Variants in BAALC observed in about 807,000 individuals in gnomAD.
The protein encoded by BAALC is brain and acute leukemia cytoplasmic protein.
In BAALC, 9 loss-of-function variants were observed where a neutral mutation model predicts 15.5. The observed-to-expected ratio is 0.58, with a 90% CI of 0.35 to 1.02. BAALC has a LOEUF of 1.02. Among genes scored for constraint, BAALC ranks in the 50% least tolerant of loss-of-function variants. The pLI, the probability that BAALC is intolerant of heterozygous loss-of-function variation, is 0.02. For synonymous variants in BAALC, 80 were observed against 74.6 expected, an observed-to-expected ratio of 1.07 and a Z score of -0.37; for missense variants, 201 against 192.4, an observed-to-expected ratio of 1.04 and a Z score of -0.27.
At chr8:103,219,280 C>G (rs1280636509) in intron 2 of BAALC, among the ~76,000 whole-genome samples, 1 of 152,168 alleles carries the variant, frequency 6.6e-6, no homozygotes, top group Non-Finnish European at 1.5e-5. Flanking sequence ...TCCCTTGACT[C>G]CTGAGCCTAC....
intron 1 of BAALC, among the ~76,000 whole-genome samples, chr8:103,193,482 C>A (rs898968256): frequency 6.6e-6 from 1 of 152,230 alleles, no homozygotes; most frequent in African/African-American, 2.4e-5. Flanking sequence ...TGAAATCAGC[C>A]TTTTGCACAT....
At chr8:103,200,182 T>C (rs1202509972) in intron 1 of BAALC, among the ~76,000 whole-genome samples, 1 of 152,156 alleles carries the variant, frequency 6.6e-6, no homozygotes, top group Non-Finnish European at 1.5e-5. Context: ...ATGGTTATTA[T>C]TAAAGGGTCA....
At chr8:103,211,790 C>T (rs1182268433) in intron 1 of BAALC, among the ~76,000 whole-genome samples, 3 of 152,148 alleles carry the variant, frequency 2.0e-5, no homozygotes, top group Non-Finnish European at 4.4e-5. Flanking sequence ...CAGGTGTCTC[C>T]AGCTCCTGAG....
At chr8:103,171,425 A>G (rs1586396427) in intron 1 of BAALC, among the ~76,000 whole-genome samples, 3 of 31,372 alleles carry the variant, frequency 9.6e-5, no homozygotes, top group Non-Finnish European at 1.7e-4. Context: ...AGAGAGAATG[A>G]AAATAAAAAG....
At chr8:103,194,642 C>T (rs1254403623) in intron 1 of BAALC, among the ~76,000 whole-genome samples, 1 of 152,116 alleles carries the variant, frequency 6.6e-6, no homozygotes, top group Non-Finnish European at 1.5e-5. Context: ...GAGGGTGGGT[C>T]ATTTATAAAT....
At chr8:103,141,202 G>C in intron 1 of BAALC, 145 bp downstream of exon 1, 3 of 953,120 alleles carry the variant, frequency 3.1e-6, no homozygotes, top group Non-Finnish European at 4.3e-6. Flanking sequence ...CCTGCCCACT[G>C]ATCAGTGGAC....
intron 2 of BAALC, among the ~76,000 whole-genome samples, chr8:103,226,465 G>A (rs1026656040): frequency 1.3e-5 from 2 of 152,190 alleles, no homozygotes; most frequent in African/African-American, 4.8e-5. Flanking sequence ...CTGCAGCGAG[G>A]CAGCAGGTCA....
At chr8:103,150,715 A>C (rs1810968426) in intron 1 of BAALC, among the ~76,000 whole-genome samples, 1 of 152,182 alleles carries the variant, frequency 6.6e-6, no homozygotes, top group Admixed American at 6.5e-5. Context: ...CTATGTCTTC[A>C]CAGGCATTTT....
intron 1 of BAALC, among the ~76,000 whole-genome samples, chr8:103,172,393 T>C (rs1811517021): frequency 1.1e-5 from 1 of 91,606 alleles, no homozygotes; most frequent in Non-Finnish European, 2.6e-5. Flanking sequence ...CTGGCTTGCT[T>C]TTTTTTTTTT....
intron 1 of BAALC, among the ~76,000 whole-genome samples, chr8:103,145,601 ATTTG>A (rs1246492839): frequency 2.6e-5 from 4 of 152,138 alleles, no homozygotes; most frequent in Admixed American, 6.5e-5. Flanking sequence ...TCAGGTTAGG[ATTTG>A]TTTGTTTTCC....
At chr8:103,215,576 C>T (rs984580255) in intron 2 of BAALC, among the ~76,000 whole-genome samples, 9 of 152,062 alleles carry the variant, frequency 5.9e-5, no homozygotes, top group Non-Finnish European at 1.2e-4. Context: ...CAGTCTGTTC[C>T]ATATATATTA....
At chr8:103,195,426 C>T (rs553565431) in intron 1 of BAALC, among the ~76,000 whole-genome samples, 4 of 152,290 alleles carry the variant, frequency 2.6e-5, no homozygotes, top group Non-Finnish European at 4.4e-5. Context: ...CAAATGCAAT[C>T]GCTCATAACT....
At chr8:103,152,153 T>A (rs1811000529) in intron 1 of BAALC, among the ~76,000 whole-genome samples, 1 of 152,186 alleles carries the variant, frequency 6.6e-6, no homozygotes, top group Non-Finnish European at 1.5e-5. Flanking sequence ...TCTGATAGCT[T>A]CCTGTTCTAC....
chr8:103,226,268 C>T (rs953470250), intron 2 of BAALC, among the ~76,000 whole-genome samples: 5 of 152,232 alleles, frequency 3.3e-5, no homozygotes, highest in Admixed American at 6.5e-5. Context: ...ACAGCTTCAG[C>T]GACCCCTGCT....
At chr8:103,179,960 A>G (rs1811688893) in intron 1 of BAALC, among the ~76,000 whole-genome samples, 1 of 152,300 alleles carries the variant, frequency 6.6e-6, no homozygotes, top group Admixed American at 6.5e-5. Context: ...CTCATTGCAG[A>G]GGGAAGTTGT....
intron 2 of BAALC, among the ~76,000 whole-genome samples, chr8:103,224,380 C>T (rs1812753228): frequency 8.7e-6 from 1 of 114,836 alleles, no homozygotes; most frequent in African/African-American, 3.4e-5. Flanking sequence ...TTAAGAAATA[C>T]ATTGGTTTGG....
At chr8:103,154,841 A>T (rs982962363) in intron 1 of BAALC, among the ~76,000 whole-genome samples, 8 of 152,030 alleles carry the variant, frequency 5.3e-5, no homozygotes, top group Non-Finnish European at 8.8e-5. Flanking sequence ...AGAGCCAAGA[A>T]ACAGACTCTG....
intron 1 of BAALC, chr8:103,202,972 C>G (rs1328781986): frequency 1.3e-5 from 2 of 152,238 alleles, no homozygotes; most frequent in Admixed American, 1.3e-4. Flanking sequence ...TTTTACTTTT[C>G]CTTTTGGCTG....
At chr8:103,216,547 G>T (rs774345700) in intron 2 of BAALC, among the ~76,000 whole-genome samples, 1 of 152,096 alleles carries the variant, frequency 6.6e-6, no homozygotes, top group Non-Finnish European at 1.5e-5. Context: ...GAGTGCAGTG[G>T]TTCGGTCACT....
Sources: gnomAD v4.1 joint callset for allele counts (sites outside exome capture counted in the v4.1 genomes callset) on GRCh38, gnomAD v4.1.1 for gene constraint, MANE v1.5 for transcripts, NCBI Gene and HGNC (gene_info 2026-07-23, HGNC 2026-07-21) for gene names.